The following SYNE1 variants were observed in gnomAD, a reference collection of about 807,000 sequenced individuals.
SYNE1 encodes nesprin-1.
In SYNE1, 616 loss-of-function variants were observed where a neutral mutation model predicts 1,111.0. The ratio of observed to expected loss-of-function variants is 0.55; its 90% CI spans 0.52 to 0.59. SYNE1 has a LOEUF of 0.59. Ranked by LOEUF, SYNE1 falls within the 20% of genes least tolerant of loss-of-function variation. The pLI is 0.00. For synonymous variants in SYNE1, 3,855 were observed against 3,825.8 expected, an observed-to-expected ratio of 1.01 and a Z score of -0.28; for missense variants, 10,006 against 10,417.0, an observed-to-expected ratio of 0.96 and a Z score of 1.72.
intron 129 of SYNE1, among the ~76,000 whole-genome samples, 199 bp downstream of exon 129, chr6:152,179,937 C>A (rs1222407530): frequency 2.0e-5 from 3 of 151,980 alleles, no homozygotes; most frequent in Non-Finnish European, 4.4e-5. Context: ...CCCACCTCAG[C>A]CTCCCAAAGT....
chr6:152,160,530 T>C (rs1307134889), intron 131 of SYNE1, among the ~76,000 whole-genome samples: 1 of 152,170 alleles, frequency 6.6e-6, no homozygotes, highest in Non-Finnish European at 1.5e-5. Context: ...GCATTTCCCC[T>C]CTTGCTTTAG....
chr6:152,281,695 T>C, intron 97 of SYNE1, 112 bp downstream of exon 97: 2 of 1,122,778 alleles, frequency 1.8e-6, no homozygotes, highest in Non-Finnish European at 2.6e-6. Flanking sequence ...ATAAAGTCTA[T>C]GGGTTGGGAA....
Position 152,331,385 on chromosome 6 carries a change from C to T in SYNE1, c.13300G>A (p.Val4434Met), listed in dbSNP as rs141609675. The change falls in exon 78 of 146, where the codon GTG becomes ATG. Residue 4434 changes from valine to methionine, a missense_variant. This residue lies in a region of SYNE1 where 4,955 missense variants were observed against 5,017.2 expected (regional missense o/e 0.99). Coordinates refer to ENST00000367255, the MANE Select transcript of SYNE1 (RefSeq NM_182961.4). ...QKALSDAQSH[V>M]NCLSDLVGQR... ...CCCACTAAGTCACTGAGACAATTCA[C>T]GTGGCTTTGTGCATCAGAGAGAGCC... is the stretch of plus-strand genomic sequence containing the variant. 2.3e-5 allele frequency: 37 copies of T among 1,614,180 alleles called. No individual in the cohort carries two copies. In the African/African-American group the frequency reaches 2.9e-4, roughly 13 times the overall value.
At chr6:152,128,417 G>C (rs746699444) in intron 145 of SYNE1, 7 of 152,140 alleles carry the variant, frequency 4.6e-5, no homozygotes, top group Non-Finnish European at 8.8e-5. Context: ...TAATTTTGTA[G>C]GCCCAGGGCC....
At chr6:152,495,453 T>C (rs2098994073) in intron 11 of SYNE1, among the ~76,000 whole-genome samples, 1 of 152,180 alleles carries the variant, frequency 6.6e-6, no homozygotes, top group African/African-American at 2.4e-5. Flanking sequence ...TAGATATGAG[T>C]TCTAAATTTC....
Position 152,180,214 on chromosome 6 carries a change from C to G in SYNE1, c.23382G>C (p.Glu7794Asp). The change falls in exon 129 of 146, where the codon GAG (glutamate) becomes GAC (aspartate). Residue 7794 changes from glutamate (E) to aspartate (D), a missense_variant. Transcript: ENST00000367255. Reference protein sequence around the residue: ...VFSEKNKELCEWLTQMESKVS... With the variant: ...VFSEKNKELCDWLTQMESKVS... ...CTTTGCTTTCCATTTGAGTCAACCA[C>G]TCACAGAGTTCCTTGTTCTTTTCAC... is the stretch of plus-strand genomic sequence containing the variant. The G allele has an allele frequency of 6.2e-7, 1 of 1,614,118 alleles. No individual in the cohort carries two copies. Among genetic ancestry groups the G allele is most frequent in the Admixed American group, 1.7e-5 (1 of 60,024 alleles).
Position 152,353,682 on chromosome 6 carries a change from C to G in SYNE1, c.10989G>C (p.Gln3663His). The G allele has an allele frequency of 6.2e-7, 1 of 1,614,220 alleles. No individual in the cohort carries two copies. Among genetic ancestry groups the G allele is most frequent in the Non-Finnish European group, 8.5e-7 (1 of 1,180,038 alleles). ...TCACGTGGCTCTCGTCCAGTATCTC[C>G]TGAGCTCTAGCTCCCACTTCCTCAA... is the stretch of plus-strand genomic sequence containing the variant. Reference protein sequence around the residue: ...DEVEEVGARAQEILDESHVNS... With the variant: ...DEVEEVGARAHEILDESHVNS... Residue 3663 changes from glutamine (Q) to histidine (H), a missense_variant, in exon 68 of 146, where the codon CAG (glutamine) becomes CAC (histidine). This residue lies in a region of SYNE1 where 4,955 missense variants were observed against 5,017.2 expected (regional missense o/e 0.99). Transcript: ENST00000367255.
At chr6:152,275,541 G>A (rs961070065) in intron 98 of SYNE1, among the ~76,000 whole-genome samples, 6 of 151,856 alleles carry the variant, frequency 4.0e-5, no homozygotes, top group Middle Eastern at 3.4e-3. Context: ...TATTTATTGC[G>A]CCAACACCAA....
At chr6:152,438,367 A>G (rs565255457) in intron 32 of SYNE1, among the ~76,000 whole-genome samples, 2 of 152,342 alleles carry the variant, frequency 1.3e-5, no homozygotes, top group Admixed American at 6.5e-5. Context: ...TATACATTCA[A>G]TTTTAGAGCT....
intron 9 of SYNE1, among the ~76,000 whole-genome samples, 175 bp downstream of exon 9, chr6:152,505,026 A>G (rs1273162382): frequency 6.6e-6 from 1 of 152,172 alleles, no homozygotes; most frequent in Non-Finnish European, 1.5e-5. Context: ...TACCCCAACC[A>G]TGGTGGTAGA....
At chr6:152,305,263 GTATTAT>G (rs1167996951) in intron 91 of SYNE1, among the ~76,000 whole-genome samples, 2 of 152,010 alleles carry the variant, frequency 1.3e-5, no homozygotes, top group African/African-American at 4.8e-5. Context: ...TTTTGAAAAA[GTATTAT>G]TATTATTATT....
intron 70 of SYNE1, among the ~76,000 whole-genome samples, chr6:152,351,271 C>A (rs767663342): frequency 6.6e-6 from 1 of 152,180 alleles, no homozygotes; most frequent in Non-Finnish European, 1.5e-5. Flanking sequence ...TATATGGCCT[C>A]TTCAAAGACA....
At chr6:152,602,799 GA>G (rs1466388832) in intron 3 of SYNE1, among the ~76,000 whole-genome samples, 1 of 151,986 alleles carries the variant, frequency 6.6e-6, no homozygotes, top group Non-Finnish European at 1.5e-5. Context: ...AAAAAAGAAA[GA>G]AAAAAGGGAG....
chr6:152,323,700 T>C lies in SYNE1; in HGVS notation c.15695A>G (p.Asp5232Gly), dbSNP rs770875823. Residue 5232 changes from aspartate (D) to glycine (G), a missense_variant, in exon 82 of 146, where the codon GAT (aspartate) becomes GGT (glycine). Physicochemically the swap from Asp to Gly is moderately conservative, Grantham distance 94. Around this residue, in one of 7 missense-constraint regions of SYNE1, gnomAD observed 4,955 missense variants for 5,017.2 expected, o/e 0.99. Transcript: ENST00000367255. ...CTCTGCTGAACTTCCAGGTAACTTATCTTGCAGCTGATCAATCATTTCAGT... is the reference window on the plus strand; with the variant it reads ...CTCTGCTGAACTTCCAGGTAACTTACCTTGCAGCTGATCAATCATTTCAGT... ...KATEMIDQLQ[D>G]KLPGSSAEKA... 2 of 1,614,242 alleles carry C rather than the reference T, an allele frequency of 1.2e-6. No homozygotes were observed. The highest frequency in any genetic ancestry group is 1.7e-6 in the Non-Finnish European group (2 of 1,180,038).
intron 100 of SYNE1, among the ~76,000 whole-genome samples, chr6:152,266,544 G>C (rs1430422560): frequency 6.6e-6 from 1 of 152,126 alleles, no homozygotes; most frequent in Non-Finnish European, 1.5e-5. Flanking sequence ...ATACACAACA[G>C]ACAGTTTTTA....
rs758595219 is a variant in SYNE1, at chr6:152,262,091, C to T, written c.18913G>A (p.Glu6305Lys). The change falls in exon 101 of 146, where the codon GAA becomes AAA. Residue 6305 changes from glutamate (E) to lysine (K), a missense_variant. Transcript: ENST00000367255. ...MRMKWESLHQ[E>K]FSTKQKLLQN... ...AGTAGTTTCTGCTTGGTACTAAATT[C>T]TTGATGTAGGCTTTCCCATTTCATT... 2 of 1,613,886 alleles carry T rather than the reference C, an allele frequency of 1.2e-6. No homozygotes were observed. Among genetic ancestry groups the T allele is most frequent in the South Asian group, 2.2e-5 (2 of 91,084 alleles).
In SYNE1 at chr6:152,231,562, A is replaced by G; in HGVS notation, c.20868T>C (p.Phe6956=). ...IHEYLQKYKG[F]KIDINCKQLT... ...GCTGTTTACAGTTAATGTCTATCTT[A>G]AAACCCTAAAAAAAAAGAGGAGAAA... The change falls in exon 114 of 146, where the codon TTT becomes TTC. Residue 6956 remains phenylalanine, a synonymous_variant. Coordinates refer to ENST00000367255, the MANE Select transcript of SYNE1 (RefSeq NM_182961.4). The G allele has an allele frequency of 6.2e-7, 1 of 1,614,014 alleles. No homozygotes were observed. Among genetic ancestry groups the G allele is most frequent in the South Asian group, 1.1e-5 (1 of 91,064 alleles).
chr6:152,587,831 C>G (rs2099545519), intron 3 of SYNE1, among the ~76,000 whole-genome samples: 1 of 152,162 alleles, frequency 6.6e-6, no homozygotes, highest in South Asian at 2.1e-4. Context: ...TTAGTAATCA[C>G]AGAAATGGTT....
In SYNE1 at chr6:152,263,239, G is replaced by A. The variant is rs569483534; in HGVS notation, c.18816-1051C>T. On this transcript the variant is annotated intron_variant, in intron 100 of 145. Transcript: ENST00000367255. ...ATAGGAAGGATCGTATAGAGCCTGG[G>A]AAGGTAGTACAGGACACAGAGAGAC... 4.6e-5 allele frequency among the ~76,000 whole-genome samples: 7 copies of A among 152,140 alleles called. No homozygotes were observed. In the South Asian group the frequency reaches 1.5e-3, roughly 32 times the overall value.
Sources: allele counts gnomAD v4.1 joint callset (sites outside exome capture counted in the v4.1 genomes callset), GRCh38; gene constraint gnomAD v4.1.1; regional missense constraint gnomAD v4.1.1; transcripts MANE v1.5; gene names NCBI Gene and HGNC (gene_info 2026-07-23, HGNC 2026-07-21).